SLC28A2: variants seen among roughly 807,000 people sequenced by gnomAD.
SLC28A2 encodes the protein solute carrier family 28 member 2.
SLC28A2 carries 69 observed loss-of-function variants against 72.9 expected under a neutral mutation model. That is an observed-to-expected ratio of 0.95 (90% CI 0.78 to 1.16). SLC28A2 has a LOEUF of 1.16. Among genes scored for constraint, SLC28A2 ranks in the 50% most tolerant of loss-of-function variants. SLC28A2 has a pLI of 0.00. For synonymous variants in SLC28A2, 296 were observed against 294.1 expected, an observed-to-expected ratio of 1.01 and a Z score of -0.07; for missense variants, 745 against 791.1, an observed-to-expected ratio of 0.94 and a Z score of 0.70.
At chr15:45,263,336 C>A in intron 5 of SLC28A2, 92 bp downstream of exon 5, 1 of 1,267,278 alleles carries the variant, frequency 7.9e-7, no homozygotes, top group Non-Finnish European at 1.1e-6. Flanking sequence ...GCTCTCAGAC[C>A]TGCACATAGG....
chr15:45,264,065 A>G, intron 6 of SLC28A2, 43 bp downstream of exon 6: 2 of 1,568,052 alleles, frequency 1.3e-6, no homozygotes, highest in Non-Finnish European at 1.7e-6. Flanking sequence ...ACACATGGCC[A>G]AGGGCCAAGT....
At position 45,267,442 on chromosome 15, in the gene SLC28A2, T is replaced by G; in HGVS notation, c.943-13T>G. On this transcript the variant is annotated splice_polypyrimidine_tract_variant and intron_variant, in intron 10 of 17. Transcript: ENST00000347644. ...ACCTTCTTGGAATCTGACTGTTTTC[T>G]CCGTGTTTGTAGACAGAGGCACCTC... The G allele has an allele frequency of 6.2e-7, 1 of 1,614,060 alleles. No individual in the cohort carries two copies.
intron 15 of SLC28A2, among the ~76,000 whole-genome samples, chr15:45,271,321 T>C (rs528238631): frequency 6.6e-6 from 1 of 152,278 alleles, no homozygotes; most frequent in African/African-American, 2.4e-5. Context: ...ATCCCAACAC[T>C]TTGGGCCAAG....
chr15:45,252,763 C>T (rs1344443931), intron 1 of SLC28A2, among the ~76,000 whole-genome samples: 3 of 152,164 alleles, frequency 2.0e-5, no homozygotes, highest in South Asian at 2.1e-4. Context: ...CTTTAGGGTC[C>T]GGGTCTTCCC....
At chr15:45,254,476 G>A (rs890944310) in intron 3 of SLC28A2, among the ~76,000 whole-genome samples, 5 of 152,202 alleles carry the variant, frequency 3.3e-5, no homozygotes, top group Non-Finnish European at 5.9e-5. Flanking sequence ...ACAGTATTAA[G>A]TACAGAAACA....
chr15:45,257,180 T>C (rs1228269694), intron 3 of SLC28A2, among the ~76,000 whole-genome samples: 1 of 152,182 alleles, frequency 6.6e-6, no homozygotes, highest in African/African-American at 2.4e-5. Flanking sequence ...ATACAACACA[T>C]ATTTTAAGGC....
intron 3 of SLC28A2, 174 bp downstream of exon 3, chr15:45,253,694 A>G: frequency 1.9e-6 from 1 of 528,878 alleles, no homozygotes; most frequent in East Asian, 3.0e-5. Flanking sequence ...AAAAAAAAGG[A>G]GTTCAGCAGT....
chr15:45,261,061 G>A (rs1900146480), intron 3 of SLC28A2, among the ~76,000 whole-genome samples: 1 of 152,210 alleles, frequency 6.6e-6, no homozygotes, highest in Non-Finnish European at 1.5e-5. Flanking sequence ...GTTAATGGCT[G>A]GTCCTAACCC....
intron 13 of SLC28A2, 60 bp downstream of exon 13, chr15:45,268,438 A>G: frequency 1.4e-6 from 2 of 1,401,212 alleles, no homozygotes; most frequent in South Asian, 2.7e-5. Context: ...CCCTTCAAAC[A>G]TGCATGTCCA....
chr15:45,272,684 G>A lies in SLC28A2; in HGVS notation c.1759G>A (p.Val587Ile). 1 of 1,593,168 alleles carries A rather than the reference G, an allele frequency of 6.3e-7. No homozygotes were observed. The highest frequency in any genetic ancestry group is 8.6e-7 in the Non-Finnish European group (1 of 1,161,012). ...ISACMAGILY[V>I]PRGAEADCVS... is the part of the protein sequence containing the mutation. Reference sequence around the variant, plus strand: ...TCTCCTTTATCCAGGAATCCTCTATGTCCCCAGGGGAGCTGAAGCTGACTG... The same window carrying A: ...TCTCCTTTATCCAGGAATCCTCTATATCCCCAGGGGAGCTGAAGCTGACTG... The change falls in exon 17 of 18, where the codon GTC becomes ATC. Residue 587 changes from valine (V) to isoleucine (I), a missense_variant. Transcript: ENST00000347644.
Position 45,265,685 on chromosome 15 carries a change from G to A in SLC28A2, c.861+22G>A, listed in dbSNP as rs757605909. The stretch of plus-strand genomic sequence containing the variant: ...GAAGGTGAGTCGTTCTCTTACACCA[G>A]TCAGGAGACAGGCCTTCATCCTGTC... On this transcript the variant is annotated intron_variant, in intron 9 of 17. Transcript: ENST00000347644. 8 of 1,512,440 alleles carry A rather than the reference G, an allele frequency of 5.3e-6. No individual in the cohort carries two copies. The African/African-American group carries it at 8.2e-5, about 16-fold the overall frequency. 93.7% of individuals were successfully genotyped at this position (1,512,440 alleles called of 1,614,324 possible). A position where few individuals can be genotyped will look rare whatever the true frequency, so the allele number is the denominator to read the frequency against.
At chr15:45,274,571 A>G (rs1298118587) in intron 17 of SLC28A2, among the ~76,000 whole-genome samples, 1 of 152,206 alleles carries the variant, frequency 6.6e-6, no homozygotes, top group African/African-American at 2.4e-5. Flanking sequence ...CTAGATATTC[A>G]GGTGCTGGCT....
chr15:45,262,950 G>C, intron 4 of SLC28A2, 111 bp from the exon 5 acceptor site: 1 of 849,900 alleles, frequency 1.2e-6, no homozygotes, highest in Non-Finnish European at 1.8e-6. Flanking sequence ...GGGTGGCAAG[G>C]TCTCTGGAGG....
rs1236258466 is a variant in SLC28A2 at position 45,265,560 on chromosome 15, A to G, written c.781-23A>G. On this transcript the variant is annotated intron_variant, in intron 8 of 17. Coordinates refer to ENST00000347644, the MANE Select transcript of SLC28A2 (RefSeq NM_004212.4). Reference sequence around the variant, plus strand: ...AGAGTATGCAATGTAACATCTCACCACCTGCTACCATTCTCATTACAGGCC... The same window carrying G: ...AGAGTATGCAATGTAACATCTCACCGCCTGCTACCATTCTCATTACAGGCC... 3 of 1,555,528 alleles carry G rather than the reference A, an allele frequency of 1.9e-6. No homozygotes were observed. The South Asian group carries it at 3.3e-5, about 17-fold the overall frequency.
At chr15:45,273,191 C>T (rs572902904) in intron 17 of SLC28A2, among the ~76,000 whole-genome samples, 1 of 152,132 alleles carries the variant, frequency 6.6e-6, no homozygotes, top group East Asian at 1.9e-4. Context: ...AAAGAAATTA[C>T]TTATTGTGAT....
intron 14 of SLC28A2, 46 bp from the exon 15 acceptor site, chr15:45,270,149 C>G (rs376738461): frequency 2.3e-6 from 3 of 1,292,204 alleles, no homozygotes; most frequent in Admixed American, 1.7e-5. Flanking sequence ...TAAGACCGCA[C>G]GCATGGGACT....
intron 3 of SLC28A2, among the ~76,000 whole-genome samples, chr15:45,260,207 ACCT>A (rs1900111311): frequency 1.3e-5 from 2 of 152,088 alleles, no homozygotes; most frequent in South Asian, 4.1e-4. Flanking sequence ...AGATAAAAAG[ACCT>A]CCTCAACACA....
rs1042859891 is a variant in SLC28A2 at position 45,277,762 on chromosome 15, A to C, written c.*2249A>C. 2 of 107,320 alleles carry C rather than the reference A, an allele frequency of 1.9e-5. No individual in the cohort carries two copies. Among genetic ancestry groups the C allele is most frequent in the African/African-American group, 3.3e-5 (1 of 30,518 alleles). The allele number at this position is 107,320 out of a possible 1,614,324, so 6.6% of individuals were successfully genotyped here. The stretch of plus-strand genomic sequence containing the variant: ...GAGGTGGTGGTTGTGCAACATTGTG[A>C]ATATTATGTCACTGAATTGTTCACT... On this transcript the variant is annotated 3_prime_UTR_variant, in exon 18 of 18. Coordinates refer to ENST00000347644, the MANE Select transcript of SLC28A2 (RefSeq NM_004212.4).
chr15:45,263,130 CCTGCTTGGTG>C lies in SLC28A2; in HGVS notation c.333_342del (p.Cys112SerfsTer9), dbSNP rs761760677. ...AGGGCACTGGCCTTGTTTGTCATCA[CCTGCTTGGTG>C]ATCTTTGTCCTGGTTCACTCGTTTT... On this transcript the variant is annotated frameshift_variant, in exon 5 of 18. Coordinates refer to ENST00000347644, the MANE Select transcript of SLC28A2 (RefSeq NM_004212.4). LOFTEE classifies it high-confidence loss of function. The C allele has an allele frequency of 1.3e-5, 21 of 1,613,896 alleles. No individual in the cohort carries two copies. The highest frequency in any genetic ancestry group is 1.6e-5 in the Non-Finnish European group (19 of 1,179,920).
Sources: allele counts gnomAD v4.1 joint callset (sites outside exome capture counted in the v4.1 genomes callset), GRCh38; gene constraint gnomAD v4.1.1; transcripts MANE v1.5; gene names NCBI Gene and HGNC (gene_info 2026-07-23, HGNC 2026-07-21).